ITCH: variants seen among roughly 807,000 people sequenced by gnomAD.
The protein encoded by ITCH is E3 ubiquitin-protein ligase Itchy homolog.
Under a neutral mutation model 126.8 loss-of-function variants are expected in ITCH, and 28 were observed. The observed-to-expected ratio is 0.22, with a 90% CI of 0.16 to 0.30. The LOEUF (loss-of-function observed/expected upper bound fraction) is 0.30. ITCH is among the 10% of genes least tolerant of loss of function. ITCH has a pLI of 1.00. For synonymous variants in ITCH, 342 were observed against 340.0 expected (o/e 1.01, Z -0.06); for missense variants, 631 against 1,032.4 (o/e 0.61, Z 5.33).
intron 3 of ITCH, 130 bp from the exon 4 acceptor site, chr20:34,408,521 G>T: frequency 1.3e-6 from 1 of 796,574 alleles, no homozygotes; most frequent in Non-Finnish European, 2.1e-6. Flanking sequence ...GAATAAAATT[G>T]GTAAGTATTT....
chr20:34,475,724 GGGCAGGCAGA>G (rs1171088233), intron 16 of ITCH, among the ~76,000 whole-genome samples: 27 of 151,706 alleles, frequency 1.8e-4, no homozygotes, highest in South Asian at 6.3e-4. Flanking sequence ...GCAGGGGCAG[GGGCAGGCAGA>G]GGCAGGCAGA....
intron 1 of ITCH, among the ~76,000 whole-genome samples, chr20:34,368,053 G>C (rs1472079558): frequency 3.3e-5 from 5 of 152,050 alleles, no homozygotes; most frequent in Admixed American, 2.6e-4. Context: ...GGCAGATCAC[G>C]AGGTCAGGAG....
chr20:34,387,704 A>ATTTTT (rs11477181), intron 2 of ITCH, among the ~76,000 whole-genome samples: 2 of 148,868 alleles, frequency 1.3e-5, no homozygotes, highest in Non-Finnish European at 1.5e-5. Flanking sequence ...TTGTTACTAG[A>ATTTTT]TTTTTTTTTT....
chr20:34,454,817 GTTTTTTTTTTT>G (rs200486269), intron 12 of ITCH, among the ~76,000 whole-genome samples: 63 of 109,556 alleles, frequency 5.8e-4, no homozygotes, highest in Middle Eastern at 4.7e-3. Context: ...TTCTTTTCCT[GTTTTTTTTTTT>G]TTTTTTTTTT....
intron 20 of ITCH, among the ~76,000 whole-genome samples, chr20:34,484,227 T>C (rs1214847096): frequency 6.6e-6 from 1 of 152,220 alleles, no homozygotes; most frequent in Admixed American, 6.5e-5. Context: ...CATTGGTTCA[T>C]GCTACTAGTC....
At position 34,415,586 on chromosome 20, in the gene ITCH, TG is replaced by T. The variant is rs375478357; in HGVS notation, c.475+1708del. The stretch of plus-strand genomic sequence containing the variant: ...AAAAATAAAGTAGCAGGACCTAATA[TG>T]TCTTCCAGATTAGTTCTCTGGGGCT... On this transcript the variant is annotated intron_variant, in intron 6 of 24. Transcript: ENST00000374864. Among the ~76,000 whole-genome samples the T allele has an allele frequency of 4.5e-3, 688 of 152,098 alleles. 5 individuals are homozygous for T. The highest frequency in any genetic ancestry group is 0.016 in the African/African-American group (652 of 41,510).
intron 11 of ITCH, among the ~76,000 whole-genome samples, chr20:34,448,147 T>G (rs1984697998): frequency 6.6e-6 from 1 of 152,168 alleles, no homozygotes; most frequent in Admixed American, 6.5e-5. Context: ...CCCAGCACTT[T>G]GGGAGGCCGA....
At chr20:34,431,456 T>G (rs532838771) in intron 7 of ITCH, among the ~76,000 whole-genome samples, 1 of 152,080 alleles carries the variant, frequency 6.6e-6, no homozygotes. Flanking sequence ...GGGAGAGTTA[T>G]TCTAGATCTC....
intron 10 of ITCH, among the ~76,000 whole-genome samples, chr20:34,442,734 G>A (rs2146295328): frequency 6.6e-6 from 1 of 151,906 alleles, no homozygotes; most frequent in Admixed American, 6.5e-5. Context: ...AGCACTTTGG[G>A]AGGGCGAGGT....
chr20:34,393,830 CA>C lies in ITCH; in HGVS notation c.21del (p.Gln7HisfsTer10). 3.1e-6 allele frequency: 5 copies of C among 1,613,980 alleles called. No individual in the cohort carries two copies. The highest frequency in any genetic ancestry group is 4.2e-6 in the Non-Finnish European group (5 of 1,179,864). On this transcript the variant is annotated frameshift_variant, in exon 3 of 25. Transcript: ENST00000374864. LOFTEE classifies it high-confidence loss of function. MSDSGS[Q>X]LGSMGSLTMK... ...TGGTGGTATGTCTGACAGTGGATCA[CA>C]ACTTGGTTCAATGGGTAGCCTCACC...
chr20:34,452,900 T>C (rs945753946), intron 12 of ITCH, among the ~76,000 whole-genome samples: 2 of 152,244 alleles, frequency 1.3e-5, no homozygotes, highest in Non-Finnish European at 2.9e-5. Context: ...AGAATACTTT[T>C]GGTTCACCAG....
intron 12 of ITCH, among the ~76,000 whole-genome samples, chr20:34,456,226 T>TTA (rs1985981291): frequency 1.1e-5 from 1 of 91,194 alleles, no homozygotes; most frequent in Non-Finnish European, 2.2e-5. Flanking sequence ...TTTTTTTTTT[T>TTA]TTTTTTTTTT....
intron 14 of ITCH, among the ~76,000 whole-genome samples, chr20:34,462,485 C>T (rs1376817157): frequency 6.6e-6 from 1 of 152,124 alleles, no homozygotes; most frequent in Admixed American, 6.5e-5. Context: ...ACCAATTAGT[C>T]TCTGATTTCT....
intron 2 of ITCH, among the ~76,000 whole-genome samples, chr20:34,377,218 T>TA (rs2037880725): frequency 6.6e-6 from 1 of 151,834 alleles, no homozygotes; most frequent in Non-Finnish European, 1.5e-5. Context: ...ACTAAAAATA[T>TA]AAAAAATTAG....
At chr20:34,428,276 A>G (rs1981813383) in intron 7 of ITCH, among the ~76,000 whole-genome samples, 1 of 152,236 alleles carries the variant, frequency 6.6e-6, no homozygotes, top group Non-Finnish European at 1.5e-5. Context: ...TCATGACTAT[A>G]AAACTAAAAG....
intron 23 of ITCH, among the ~76,000 whole-genome samples, chr20:34,494,337 T>C (rs778420457): frequency 7.0e-4 from 106 of 152,122 alleles, no homozygotes; most frequent in Non-Finnish European, 1.3e-3. Context: ...TTAGAAGGAA[T>C]TTTTTTCTTC....
chr20:34,442,244 C>T lies in ITCH; in HGVS notation c.906C>T (p.Tyr302=). 1 of 1,614,004 alleles carries T rather than the reference C, an allele frequency of 6.2e-7. No homozygotes were observed. The highest frequency in any genetic ancestry group is 8.5e-7 in the Non-Finnish European group (1 of 1,179,922). The part of the protein sequence containing the change: ...EQRVDQHGRV[Y]YVDHVEKRTT... ...GAGTGGACCAGCACGGGCGAGTTTACTATGTAGATCATGTTGAGAAAAGAA... is the reference window on the plus strand; with the variant it reads ...GAGTGGACCAGCACGGGCGAGTTTATTATGTAGATCATGTTGAGAAAAGAA... Residue 302 remains tyrosine, a synonymous_variant, in exon 10 of 25, where the codon TAC becomes TAT. Coordinates refer to ENST00000374864, the MANE Select transcript of ITCH (RefSeq NM_031483.7).
chr20:34,506,801 G>T (rs534029601), intron 24 of ITCH, among the ~76,000 whole-genome samples: 2 of 152,182 alleles, frequency 1.3e-5, no homozygotes, highest in African/African-American at 4.8e-5. Flanking sequence ...TTAGTACTTC[G>T]TAAGTGTAGA....
intron 2 of ITCH, among the ~76,000 whole-genome samples, chr20:34,369,959 A>G (rs1039193836): frequency 6.6e-6 from 1 of 151,904 alleles, no homozygotes; most frequent in Non-Finnish European, 1.5e-5. Flanking sequence ...AAAAAAAATC[A>G]GCTGGTGTGG....
Sources: gnomAD v4.1 joint callset for allele counts (sites outside exome capture counted in the v4.1 genomes callset) on GRCh38, gnomAD v4.1.1 for gene constraint, MANE v1.5 for transcripts, NCBI Gene and HGNC (gene_info 2026-07-23, HGNC 2026-07-21) for gene names.